TMTC1: variants seen among roughly 807,000 people sequenced by gnomAD.
TMTC1 encodes transmembrane O-mannosyltransferase targeting cadherins 1.
In TMTC1, 73 loss-of-function variants were observed where a neutral mutation model predicts 104.8. That is an observed-to-expected ratio of 0.70 (90% CI 0.58 to 0.85). The LOEUF (loss-of-function observed/expected upper bound fraction) is 0.85. TMTC1 is among the 40% of genes least tolerant of loss of function. TMTC1 has a pLI of 0.00. For missense variants in TMTC1, 1,035 were observed against 1,096.1 expected, an observed-to-expected ratio of 0.94 and a Z score of 0.79; for synonymous variants, 434 against 428.7, an observed-to-expected ratio of 1.01 and a Z score of -0.15.
In TMTC1 at chr12:29,549,859, T is replaced by G. The variant is rs1435121841; in HGVS notation, c.1676+6998A>C. Among the ~76,000 whole-genome samples, 4 of 152,172 alleles carry G rather than the reference T, an allele frequency of 2.6e-5. No homozygotes were observed. The East Asian group carries it at 7.7e-4, about 29-fold the overall frequency. Reference sequence around the variant, plus strand: ...ATGAATTTTCAACAGCTCTTACCCCTAATCATGGTTTTGTTTTCCATGTAG... The same window carrying G: ...ATGAATTTTCAACAGCTCTTACCCCGAATCATGGTTTTGTTTTCCATGTAG... On this transcript the variant is annotated intron_variant, in intron 10 of 17. Transcript: ENST00000539277.
At chr12:29,776,847 G>T (rs908874814) in intron 1 of TMTC1, among the ~76,000 whole-genome samples, 1 of 152,180 alleles carries the variant, frequency 6.6e-6, no homozygotes, top group Admixed American at 6.5e-5. Flanking sequence ...CACAGATCTG[G>T]GGAAAAGCAT....
intron 17 of TMTC1, among the ~76,000 whole-genome samples, chr12:29,510,830 C>T (rs1943813243): frequency 6.6e-6 from 1 of 152,138 alleles, no homozygotes; most frequent in South Asian, 2.1e-4. Context: ...CTCCAAAAAC[C>T]CTGACTCATT....
chr12:29,570,917 A>T (rs1945658718), intron 9 of TMTC1, among the ~76,000 whole-genome samples: 1 of 150,458 alleles, frequency 6.6e-6, no homozygotes, highest in South Asian at 2.1e-4. Context: ...CACAAAAACA[A>T]AACCAACTTC....
At chr12:29,627,664 A>C (rs1938070723) in intron 6 of TMTC1, among the ~76,000 whole-genome samples, 1 of 141,330 alleles carries the variant, frequency 7.1e-6, no homozygotes, top group South Asian at 2.4e-4. Context: ...ACAAATATGT[A>C]CAGTAGCATT....
intron 9 of TMTC1, among the ~76,000 whole-genome samples, chr12:29,566,719 G>C (rs1945526872): frequency 6.6e-6 from 1 of 152,166 alleles, no homozygotes; most frequent in African/African-American, 2.4e-5. Context: ...GCGTGTCATT[G>C]CCCTCATTGC....
At chr12:29,559,063 A>G (rs949000843) in intron 9 of TMTC1, among the ~76,000 whole-genome samples, 9 of 152,348 alleles carry the variant, frequency 5.9e-5, no homozygotes, top group African/African-American at 1.4e-4. Context: ...CATGCACATG[A>G]TGAAGCCAAT....
At chr12:29,727,500 TC>T (rs1273989681) in intron 5 of TMTC1, among the ~76,000 whole-genome samples, 1 of 151,970 alleles carries the variant, frequency 6.6e-6, no homozygotes, top group African/African-American at 2.4e-5. Flanking sequence ...CCTCAGCCTC[TC>T]AAGTAGCTGG....
chr12:29,645,911 C>T (rs1372321462), intron 5 of TMTC1, among the ~76,000 whole-genome samples: 2 of 152,192 alleles, frequency 1.3e-5, no homozygotes, highest in African/African-American at 4.8e-5. Context: ...AGCAAATCCT[C>T]TATGAAGTGG....
chr12:29,758,880 A>G lies in TMTC1; in HGVS notation c.481-103T>C, dbSNP rs1297374190. 11 of 999,354 alleles carry G rather than the reference A, an allele frequency of 1.1e-5. No homozygotes were observed. In the East Asian group the frequency reaches 2.8e-4, roughly 25 times the overall value. 61.9% of individuals were successfully genotyped at this position (999,354 alleles called of 1,614,324 possible). On this transcript the variant is annotated intron_variant, in intron 2 of 17. Coordinates refer to ENST00000539277, the MANE Select transcript of TMTC1 (RefSeq NM_001193451.2). ...ATGTATTTGTTGTTAGATAAATGGA[A>G]GATATAATAAAATAGAAATCTCACT... is the stretch of plus-strand genomic sequence containing the variant.
intron 6 of TMTC1, among the ~76,000 whole-genome samples, chr12:29,613,734 G>A (rs1042071961): frequency 2.0e-5 from 3 of 152,084 alleles, no homozygotes; most frequent in Non-Finnish European, 2.9e-5. Context: ...TTGTTCCTAC[G>A]AAAATAGGAA....
At chr12:29,559,981 G>C (rs1327909343) in intron 9 of TMTC1, among the ~76,000 whole-genome samples, 3 of 152,180 alleles carry the variant, frequency 2.0e-5, no homozygotes, top group Admixed American at 2.0e-4. Flanking sequence ...CAGCAGACCT[G>C]TGCAAGGACA....
In TMTC1 at chr12:29,740,185, TA is replaced by T. The variant is rs1206914660; in HGVS notation, c.938+11480del. 4.0e-4 allele frequency among the ~76,000 whole-genome samples: 61 copies of T among 152,242 alleles called. 1 individual carries two copies. The highest frequency in any genetic ancestry group is 2.0e-4 in the Admixed American group (3 of 15,290). On this transcript the variant is annotated intron_variant, in intron 5 of 17. Coordinates refer to ENST00000539277, the MANE Select transcript of TMTC1 (RefSeq NM_001193451.2). ...TGCACCACCATGCCTAGCTCATTTT[TA>T]AAAAAAATTTTGAGGAGATGGGGTC...
intron 13 of TMTC1, 85 bp downstream of exon 13, chr12:29,518,387 C>T: frequency 6.8e-7 from 1 of 1,460,360 alleles, no homozygotes; most frequent in Non-Finnish European, 9.1e-7. Flanking sequence ...ATTCTGAGAG[C>T]ACACCTATTC....
intron 5 of TMTC1, among the ~76,000 whole-genome samples, chr12:29,696,963 A>G (rs1281451949): frequency 1.3e-5 from 2 of 152,240 alleles, no homozygotes; most frequent in South Asian, 2.1e-4. Context: ...AAACCAGGAA[A>G]GTCTATAAAA....
chr12:29,747,878 C>T (rs1445963521), intron 5 of TMTC1, among the ~76,000 whole-genome samples: 4 of 152,146 alleles, frequency 2.6e-5, no homozygotes, highest in African/African-American at 4.8e-5. Context: ...TCAAATAACT[C>T]GTCTGGGATC....
intron 5 of TMTC1, among the ~76,000 whole-genome samples, chr12:29,705,859 G>A (rs1239738330): frequency 6.6e-6 from 1 of 151,816 alleles, no homozygotes; most frequent in African/African-American, 2.4e-5. Flanking sequence ...GACACCTTAG[G>A]ATGGGCAGAA....
chr12:29,710,566 G>A (rs1206625339), intron 5 of TMTC1, among the ~76,000 whole-genome samples: 1 of 140,642 alleles, frequency 7.1e-6, no homozygotes, highest in Non-Finnish European at 1.5e-5. Flanking sequence ...ATAAAATATT[G>A]TATATAATGT....
At chr12:29,678,207 T>G (rs1478277271) in intron 5 of TMTC1, among the ~76,000 whole-genome samples, 2 of 152,202 alleles carry the variant, frequency 1.3e-5, no homozygotes, top group African/African-American at 4.8e-5. Context: ...AACTCACAAT[T>G]TTCTGACTTT....
intron 9 of TMTC1, among the ~76,000 whole-genome samples, chr12:29,569,495 A>G (rs1274731871): frequency 6.6e-6 from 1 of 152,246 alleles, no homozygotes; most frequent in Non-Finnish European, 1.5e-5. Flanking sequence ...CAGATACTCT[A>G]AAGTTGAAGT....
Sources: allele counts gnomAD v4.1 joint callset (sites outside exome capture counted in the v4.1 genomes callset), GRCh38; gene constraint gnomAD v4.1.1; transcripts MANE v1.5; gene names NCBI Gene and HGNC (gene_info 2026-07-23, HGNC 2026-07-21).